FOXP2: variants seen among roughly 807,000 people sequenced by gnomAD.
FOXP2 encodes forkhead box protein P2.
A neutral mutation model predicts 115.8 loss-of-function variants in FOXP2; 12 were observed. The observed-to-expected ratio is 0.10, with a 90% CI of 0.07 to 0.17. The LOEUF (loss-of-function observed/expected upper bound fraction) is 0.17. FOXP2 is among the 10% of genes least tolerant of loss of function. The pLI is 1.00. For synonymous variants in FOXP2, 328 were observed against 297.7 expected, an observed-to-expected ratio of 1.10 and a Z score of -1.05; for missense variants, 629 against 843.5, an observed-to-expected ratio of 0.75 and a Z score of 3.15.
At chr7:114,534,474 A>T in intron 2 of FOXP2, 143 bp from the exon 3 acceptor site, 1 of 736,434 alleles carries the variant, frequency 1.4e-6, no homozygotes. Flanking sequence ...TTTTTTTCAT[A>T]TTAGAAGATA....
chr7:114,598,882 C>T (rs1280171876), intron 3 of FOXP2, among the ~76,000 whole-genome samples: 1 of 152,090 alleles, frequency 6.6e-6, no homozygotes, highest in Non-Finnish European at 1.5e-5. Context: ...ACCAGCATCT[C>T]TCTCTCTCAC....
chr7:114,478,685 G>T (rs970092701), intron 2 of FOXP2, among the ~76,000 whole-genome samples: 5 of 151,654 alleles, frequency 3.3e-5, no homozygotes, highest in African/African-American at 1.2e-4. Context: ...ATGGTCAAAG[G>T]GAGTAAAATG....
At chr7:114,552,490 T>C (rs7794413) in intron 3 of FOXP2, among the ~76,000 whole-genome samples, 69,174 of 152,026 alleles carry the variant, frequency 0.46, 15,955 homozygotes, top group Admixed American at 0.53. Flanking sequence ...TTACAAAAAA[T>C]TATCCTTTTT....
chr7:114,112,917 C>G (rs553956526), intron 1 of FOXP2, among the ~76,000 whole-genome samples: 1 of 152,130 alleles, frequency 6.6e-6, no homozygotes, highest in African/African-American at 2.4e-5. Flanking sequence ...TCATTTCATC[C>G]GGTTGTCTTC....
At chr7:114,293,879 A>T (rs1796671783) in intron 2 of FOXP2, among the ~76,000 whole-genome samples, 1 of 152,218 alleles carries the variant, frequency 6.6e-6, no homozygotes, top group Non-Finnish European at 1.5e-5. Flanking sequence ...GAACAGACTC[A>T]TACAAGATAA....
At chr7:114,099,134 CAACA>C (rs370037502) in intron 1 of FOXP2, among the ~76,000 whole-genome samples, 15 of 152,048 alleles carry the variant, frequency 9.9e-5, no homozygotes, top group Middle Eastern at 3.4e-3. Context: ...GACCCTGTCT[CAACA>C]AACAAACAAA....
intron 2 of FOXP2, among the ~76,000 whole-genome samples, chr7:114,444,308 C>G (rs1011999058): frequency 3.9e-5 from 6 of 152,232 alleles, no homozygotes; most frequent in Non-Finnish European, 7.4e-5. Flanking sequence ...ACATAGGACA[C>G]TTAATCTGCA....
At chr7:114,395,255 T>C (rs1174491453) in intron 2 of FOXP2, among the ~76,000 whole-genome samples, 3 of 152,178 alleles carry the variant, frequency 2.0e-5, no homozygotes, top group African/African-American at 7.2e-5. Flanking sequence ...AAATAAAATA[T>C]ACTAATGCTT....
intron 8 of FOXP2, among the ~76,000 whole-genome samples, chr7:114,651,651 T>A (rs1398667937): frequency 6.6e-6 from 1 of 152,142 alleles, no homozygotes; most frequent in Non-Finnish European, 1.5e-5. Context: ...GTTATTCTAA[T>A]GATCAAAATC....
At chr7:114,086,343 C>G (rs767368403), upstream of FOXP2, 1 of 408,742 alleles carries the variant, frequency 2.4e-6, no homozygotes, top group South Asian at 1.7e-5. Flanking sequence ...GCGCGAGACA[C>G]GCCGGCGCGT....
intron 2 of FOXP2, among the ~76,000 whole-genome samples, chr7:114,526,991 ATT>A (rs200748852): frequency 0.017 from 2,225 of 128,782 alleles, 19 homozygotes; most frequent in African/African-American, 0.043. Flanking sequence ...CCACTAATCT[ATT>A]TTTTTTTTTT....
intron 1 of FOXP2, among the ~76,000 whole-genome samples, chr7:114,254,556 C>G (rs560736858): frequency 5.9e-5 from 9 of 152,186 alleles, no homozygotes. Context: ...TCTTCAATCA[C>G]TGATACCCTT....
intron 1 of FOXP2, among the ~76,000 whole-genome samples, chr7:114,269,029 A>G (rs532086078): frequency 6.6e-6 from 1 of 152,190 alleles, no homozygotes; most frequent in Non-Finnish European, 1.5e-5. Context: ...AATATATTAT[A>G]AAGACATTTT....
chr7:114,226,097 T>A (rs186833711), intron 1 of FOXP2, among the ~76,000 whole-genome samples: 258 of 152,276 alleles, frequency 1.7e-3, no homozygotes, highest in Middle Eastern at 0.01. Context: ...ATTATTTGTC[T>A]AAAAGAGGTT....
chr7:114,644,829 G>T (rs1245487575), intron 8 of FOXP2, 40 bp downstream of exon 8: 5 of 1,424,494 alleles, frequency 3.5e-6, no homozygotes, highest in Non-Finnish European at 3.0e-6. Flanking sequence ...GCGGGGGCTG[G>T]ATTATATGGG....
intron 16 of FOXP2, among the ~76,000 whole-genome samples, chr7:114,688,761 T>C (rs1808503618): frequency 6.6e-6 from 1 of 152,278 alleles, no homozygotes; most frequent in South Asian, 2.1e-4. Flanking sequence ...TCTTCATTTA[T>C]TGACAGTTGG....
chr7:114,200,933 T>C (rs770018475), intron 1 of FOXP2, among the ~76,000 whole-genome samples: 44 of 152,262 alleles, frequency 2.9e-4, no homozygotes, highest in South Asian at 4.1e-4. Context: ...GGCGGGTGGA[T>C]CACCTGAGGT....
At chr7:114,341,138 G>T (rs1317873554) in intron 2 of FOXP2, among the ~76,000 whole-genome samples, 1 of 151,102 alleles carries the variant, frequency 6.6e-6, no homozygotes, top group Non-Finnish European at 1.5e-5. Context: ...TTTTAAAATT[G>T]ATGTATCCTT....
intron 1 of FOXP2, among the ~76,000 whole-genome samples, chr7:114,254,562 C>T (rs1795551433): frequency 6.6e-6 from 1 of 152,196 alleles, no homozygotes; most frequent in Admixed American, 6.5e-5. Context: ...ATCACTGATA[C>T]CCTTTCTTCC....
Sources: allele counts gnomAD v4.1 joint callset (sites outside exome capture counted in the v4.1 genomes callset), GRCh38; gene constraint gnomAD v4.1.1; transcripts MANE v1.5; gene names NCBI Gene and HGNC (gene_info 2026-07-23, HGNC 2026-07-21).